The following DNAH1 variants were observed in gnomAD, a reference collection of about 807,000 sequenced individuals.
DNAH1 encodes the protein dynein axonemal heavy chain 1.
A neutral mutation model predicts 484.3 loss-of-function variants in DNAH1; 327 were observed. That is an observed-to-expected ratio of 0.68 (90% confidence interval 0.62 to 0.74). The LOEUF (loss-of-function observed/expected upper bound fraction) is 0.74, where lower values mean the gene tolerates loss of function less well. Among genes scored for constraint, DNAH1 ranks in the 30% least tolerant of loss-of-function variants. The pLI is 0.00. For synonymous variants in DNAH1, 2,192 were observed against 2,191.9 expected (o/e 1.00, Z 0.00); for missense variants, 5,052 against 5,546.8 (o/e 0.91, Z 2.83).
intron 17 of DNAH1, among the ~76,000 whole-genome samples, 155 bp downstream of exon 17, chr3:52,352,258 G>T: frequency 6.6e-6 from 1 of 152,200 alleles, no homozygotes; most frequent in East Asian, 1.9e-4. Flanking sequence ...CTGAAAGAAT[G>T]AACGCAAAGG....
At chr3:52,385,516 A>G in intron 54 of DNAH1, 69 bp downstream of exon 54, 1 of 1,319,478 alleles carries the variant, frequency 7.6e-7, no homozygotes, top group South Asian at 1.3e-5. Flanking sequence ...ACACAGGCGC[A>G]GGCTCGCTAG....
At chr3:52,317,349 C>T (rs370854937) in intron 1 of DNAH1, among the ~76,000 whole-genome samples, 1 of 152,254 alleles carries the variant, frequency 6.6e-6, no homozygotes, top group East Asian at 1.9e-4. Context: ...CGGGCGCATC[C>T]GCTGCCCAGC....
chr3:52,326,309 C>T lies in DNAH1; in HGVS notation c.576C>T (p.Ile192=), dbSNP rs555661049. ...GCCAGCATCCTCGCAAGATTGAGATCGAGAGGTACGGCTGGGTGGGCTGTG... is the reference window on the plus strand; with the variant it reads ...GCCAGCATCCTCGCAAGATTGAGATTGAGAGGTACGGCTGGGTGGGCTGTG... The part of the protein sequence containing the change: ...LPGQHPRKIE[I]ERRKQQYLSL... The change falls in exon 4 of 78, where the codon ATC becomes ATT. Residue 192 remains isoleucine (I), a synonymous_variant. Transcript: ENST00000420323. 21 of 1,605,090 alleles carry T rather than the reference C, an allele frequency of 1.3e-5. No homozygotes were observed. Among genetic ancestry groups the T allele is most frequent in the East Asian group, 4.5e-5 (2 of 44,892 alleles).
At chr3:52,369,402 T>C (rs1042412970) in intron 37 of DNAH1, among the ~76,000 whole-genome samples, 3 of 152,136 alleles carry the variant, frequency 2.0e-5, no homozygotes, top group Admixed American at 6.5e-5. Flanking sequence ...GGATATGGCC[T>C]GGGCACAAGA....
Position 52,358,872 on chromosome 3 carries a change from G to A in DNAH1, c.4266+135G>A. 9.6e-7 allele frequency: 1 copy of A among 1,045,868 alleles called. No individual in the cohort carries two copies. Among genetic ancestry groups the A allele is most frequent in the South Asian group, 1.5e-5 (1 of 65,858 alleles). The allele number at this position is 1,045,868 out of a possible 1,614,324, so 64.8% of individuals were successfully genotyped here. A position where few individuals can be genotyped will look rare whatever the true frequency, so the allele number is the denominator to read the frequency against. On this transcript the variant is annotated intron_variant, in intron 25 of 77. Transcript: ENST00000420323. The surrounding 1 kb of genome is among the most constrained non-coding windows in gnomAD (Gnocchi z 4.2). ...CTGGGGGCTCAGGCGGGATTCTGGAGTCTTTCCTTTCCACACACACTCCAG... is the reference window on the plus strand; with the variant it reads ...CTGGGGGCTCAGGCGGGATTCTGGAATCTTTCCTTTCCACACACACTCCAG...
rs368042801 is a variant in DNAH1, at chr3:52,392,954, C to T, written c.10403C>T (p.Pro3468Leu). ...GTGTCCGACCTGGCCAACGTGGACC[C>T]CATGTACCAGTACTCCCTTGAGTGG... ...FCVSDLANVDPMYQYSLEWFL... is the reference protein window; with the variant it reads ...FCVSDLANVDLMYQYSLEWFL... The change falls in exon 65 of 78, where the codon CCC (proline) becomes CTC (leucine). Residue 3468 changes from proline (P) to leucine (L), a missense_variant. Transcript: ENST00000420323. 5 of 1,613,816 alleles carry T rather than the reference C, an allele frequency of 3.1e-6. No homozygotes were observed. Among genetic ancestry groups the T allele is most frequent in the Non-Finnish European group, 4.2e-6 (5 of 1,179,858 alleles).
intron 16 of DNAH1, among the ~76,000 whole-genome samples, chr3:52,351,034 G>C (rs1000508024): frequency 6.6e-6 from 1 of 152,204 alleles, no homozygotes; most frequent in Non-Finnish European, 1.5e-5. Context: ...ATTTTCAGTA[G>C]AGATGGGGTT....
chr3:52,358,080 G>A lies in DNAH1; in HGVS notation c.4086+77G>A. 1 of 1,148,438 alleles carries A rather than the reference G, an allele frequency of 8.7e-7. No homozygotes were observed. The highest frequency in any genetic ancestry group is 1.2e-6 in the Non-Finnish European group (1 of 817,288). The allele number at this position is 1,148,438 out of a possible 1,614,324, so 71.1% of individuals were successfully genotyped here. Reference sequence around the variant, plus strand: ...GGGAGAACGTCCCTCCCTTTGTGATGAGCCCTTTTAGCAGGAAATGTGGCA... The same window carrying A: ...GGGAGAACGTCCCTCCCTTTGTGATAAGCCCTTTTAGCAGGAAATGTGGCA... On this transcript the variant is annotated intron_variant, in intron 24 of 77. Transcript: ENST00000420323. The surrounding 1 kb of genome is among the most constrained non-coding windows in gnomAD (Gnocchi z 4.2).
Position 52,350,366 on chromosome 3 carries a change from C to T in DNAH1, c.2647-142C>T. 4 of 938,268 alleles carry T rather than the reference C, an allele frequency of 4.3e-6. No homozygotes were observed. In the South Asian group the frequency reaches 4.6e-5, roughly 11 times the overall value. 58.1% of individuals were successfully genotyped at this position (938,268 alleles called of 1,614,324 possible). ...CTGAGCCTGATGCTGCCCTTGCACC[C>T]TGGGCCTCCTCCCCTGGCCCAGACC... On this transcript the variant is annotated intron_variant, in intron 15 of 77. Coordinates refer to ENST00000420323, the MANE Select transcript of DNAH1 (RefSeq NM_015512.5).
Position 52,358,864 on chromosome 3 carries a change from A to G in DNAH1, c.4266+127A>G, listed in dbSNP as rs1702732443. On this transcript the variant is annotated intron_variant, in intron 25 of 77. Coordinates refer to ENST00000420323, the MANE Select transcript of DNAH1 (RefSeq NM_015512.5). This position sits in a 1 kb window ranked among gnomAD's most constrained non-coding sequence, Gnocchi z 4.2. ...TGAGGTCCCTGGGGGCTCAGGCGGG[A>G]TTCTGGAGTCTTTCCTTTCCACACA... 1 of 1,100,190 alleles carries G rather than the reference A, an allele frequency of 9.1e-7. No individual in the cohort carries two copies. Among genetic ancestry groups the G allele is most frequent in the Non-Finnish European group, 1.3e-6 (1 of 770,684 alleles). The allele number at this position is 1,100,190 out of a possible 1,614,324, so 68.2% of individuals were successfully genotyped here.
rs746537722 is a variant in DNAH1, at chr3:52,345,529, G to T, written c.1479G>T (p.Glu493Asp). 12 of 1,577,566 alleles carry T rather than the reference G, an allele frequency of 7.6e-6. No homozygotes were observed. The African/African-American group carries it at 1.5e-4, about 19-fold the overall frequency. ...LVSVPKYHFW[E>D]QKEDFTFVSL... is the part of the protein sequence containing the mutation. ...GTGTCCCCAAGTACCACTTCTGGGAGCAGAAGGAGGACTTCACTTTCGTGT... is the reference window on the plus strand; with the variant it reads ...GTGTCCCCAAGTACCACTTCTGGGATCAGAAGGAGGACTTCACTTTCGTGT... The change falls in exon 10 of 78, where the codon GAG becomes GAT. Residue 493 changes from glutamate to aspartate, a missense_variant. Glu to Asp is a conservative substitution (Grantham distance 45). Around this residue, in one of 4 missense-constraint regions of DNAH1, gnomAD observed 1,263 missense variants for 1,218.8 expected, o/e 1.04. Transcript: ENST00000420323.
At chr3:52,325,546 A>G (rs1332689821) in intron 3 of DNAH1, among the ~76,000 whole-genome samples, 3 of 152,210 alleles carry the variant, frequency 2.0e-5, no homozygotes, top group African/African-American at 7.2e-5. Flanking sequence ...TGGTCACCCT[A>G]TCAATGGGTC....
intron 52 of DNAH1, 116 bp from the exon 53 acceptor site, chr3:52,384,670 A>C: frequency 9.5e-7 from 1 of 1,054,192 alleles, no homozygotes; most frequent in Non-Finnish European, 1.3e-6. Context: ...TGTGAGAGGC[A>C]TGGAGGTTCC....
chr3:52,373,304 G>T (rs1703433880), intron 44 of DNAH1, among the ~76,000 whole-genome samples: 1 of 152,180 alleles, frequency 6.6e-6, no homozygotes, highest in African/African-American at 2.4e-5. Flanking sequence ...TCCCCAGGTG[G>T]CGGTGGTGGC....
rs1294488322 is a variant in DNAH1, at chr3:52,368,657, G to A, written c.5766-84G>A. Reference sequence around the variant, plus strand: ...GAAGGAAAGTAGAGCCCGCCCACCCGGCGGCCAGGCTTCCCTGGGAGCCAG... The same window carrying A: ...GAAGGAAAGTAGAGCCCGCCCACCCAGCGGCCAGGCTTCCCTGGGAGCCAG... On this transcript the variant is annotated intron_variant, in intron 36 of 77. Transcript: ENST00000420323. The surrounding 1 kb of genome is among the most constrained non-coding windows in gnomAD (Gnocchi z 4.4). 1.9e-5 allele frequency: 27 copies of A among 1,457,082 alleles called. No homozygotes were observed. Among genetic ancestry groups the A allele is most frequent in the East Asian group, 4.6e-5 (2 of 43,298 alleles). The allele number at this position is 1,457,082 out of a possible 1,614,324, so 90.3% of individuals were successfully genotyped here. A position where few individuals can be genotyped will look rare whatever the true frequency, so the allele number is the denominator to read the frequency against.
intron 46 of DNAH1, among the ~76,000 whole-genome samples, chr3:52,376,878 A>C (rs1703629002): frequency 6.7e-6 from 1 of 149,896 alleles, no homozygotes; most frequent in Non-Finnish European, 1.5e-5. Context: ...ACCAGCGGTC[A>C]GCCCTTGTTC....
At chr3:52,392,320 G>GA (rs774853175) in intron 63 of DNAH1, 144 bp from the exon 64 acceptor site, 1 of 707,024 alleles carries the variant, frequency 1.4e-6, no homozygotes, top group Non-Finnish European at 2.4e-6. Context: ...GCCTGAGATG[G>GA]AGGCTAGGCC....
the DNAH1 span, among the ~76,000 whole-genome samples, chr3:52,311,037 C>T: frequency 6.6e-6 from 1 of 152,194 alleles, no homozygotes; most frequent in Admixed American, 6.5e-5. Flanking sequence ...TTCTACACAC[C>T]CCCTTGTTTT....
chr3:52,352,222 G>T, intron 17 of DNAH1, 119 bp downstream of exon 17: 1 of 1,352,914 alleles, frequency 7.4e-7, no homozygotes, highest in Non-Finnish European at 1.0e-6. Context: ...TGTGATGGGC[G>T]GGCAGATGGA....
Sources: gnomAD v4.1 joint callset for allele counts (sites outside exome capture counted in the v4.1 genomes callset) on GRCh38, gnomAD v4.1.1 for gene constraint, gnomAD v4.1.1 regional missense constraint, Gnocchi (gnomAD v3.1) non-coding constraint, MANE v1.5 for transcripts, NCBI Gene and HGNC (gene_info 2026-07-23, HGNC 2026-07-21) for gene names.